The following KCNJ3 variants were observed in gnomAD, a reference collection of about 807,000 sequenced individuals.
KCNJ3 encodes potassium inwardly rectifying channel subfamily J member 3, also known as G protein-activated inward rectifier potassium channel 1.
KCNJ3 carries 4 observed loss-of-function variants against 39.2 expected under a neutral mutation model. The observed-to-expected ratio is 0.10, with a 90% confidence interval of 0.05 to 0.23. The LOEUF (loss-of-function observed/expected upper bound fraction) is 0.23. Among genes scored for constraint, KCNJ3 ranks in the 10% least tolerant of loss-of-function variants. The probability of loss-of-function intolerance (pLI) is 1.00; values close to 1 mark genes in which losing one functional copy is unlikely to be tolerated. For missense variants in KCNJ3, 276 were observed against 634.9 expected (o/e 0.43, Z 6.08); for synonymous variants, 230 against 237.4 (o/e 0.97, Z 0.29).
chr2:154,723,115 T>A (rs1685292847), intron 2 of KCNJ3, among the ~76,000 whole-genome samples: 2 of 151,776 alleles, frequency 1.3e-5, no homozygotes, highest in Admixed American at 6.6e-5. Context: ...AGACCCTCTA[T>A]CTGCAAAAAT....
chr2:154,707,364 T>C (rs1475283396), intron 1 of KCNJ3, among the ~76,000 whole-genome samples: 1 of 152,088 alleles, frequency 6.6e-6, no homozygotes, highest in Non-Finnish European at 1.5e-5. Flanking sequence ...AAGCCAAAAT[T>C]ACTTATGTCT....
At chr2:154,797,338 G>C (rs557396833) in intron 2 of KCNJ3, among the ~76,000 whole-genome samples, 1 of 152,182 alleles carries the variant, frequency 6.6e-6, no homozygotes, top group South Asian at 2.1e-4. Flanking sequence ...CCTTTTATTT[G>C]ATACTATGAT....
chr2:154,802,859 AT>A lies in KCNJ3; in HGVS notation c.920-51858del, dbSNP rs202219471. On this transcript the variant is annotated intron_variant, in intron 2 of 2. Coordinates refer to ENST00000295101, the MANE Select transcript of KCNJ3 (RefSeq NM_002239.4). ...AGTTGGCTTTTAAAATGAACTACAC[AT>A]TTTTTTTTTGAGGGGATGGAGGAAT... Among the ~76,000 whole-genome samples, 415 of 149,304 alleles carry A rather than the reference AT, an allele frequency of 2.8e-3. 5 individuals carry two copies. The East Asian group carries it at 0.06, about 22-fold the overall frequency.
rs140379505 is a variant in KCNJ3, at chr2:154,806,234, G to A, written c.920-48493G>A. Among the ~76,000 whole-genome samples, 448 of 152,236 alleles carry A rather than the reference G, an allele frequency of 2.9e-3. 4 individuals are homozygous for A. The highest frequency in any genetic ancestry group is 0.01 in the African/African-American group (434 of 41,556). On this transcript the variant is annotated intron_variant, in intron 2 of 2. Transcript: ENST00000295101. ...CACAAGACTCTTGGGTCAGAGATAA[G>A]GGATGTTATTACTCATGACACAGTG...
chr2:154,735,075 G>GTGTGTT (rs886652206), intron 2 of KCNJ3, among the ~76,000 whole-genome samples: 3 of 150,904 alleles, frequency 2.0e-5, no homozygotes, highest in Non-Finnish European at 3.0e-5. Flanking sequence ...AGGCCTGTGT[G>GTGTGTT]TGTGTGTGTG....
At chr2:154,739,575 A>G (rs12471186) in intron 2 of KCNJ3, among the ~76,000 whole-genome samples, 32,947 of 151,956 alleles carry the variant, frequency 0.22, 4,542 homozygotes, top group Non-Finnish European at 0.3. Flanking sequence ...CCTACTCCCC[A>G]GAGACTCCCA....
At chr2:154,818,918 CTTTTTTTTTTTTTTTTTT>C (rs57668487) in intron 2 of KCNJ3, among the ~76,000 whole-genome samples, 4 of 52,438 alleles carry the variant, frequency 7.6e-5, no homozygotes, top group South Asian at 1.2e-3. Flanking sequence ...CTGCAAAAGC[CTTTTTTTTTTTTTTTTTT>C]TTTTTTTTTT....
intron 1 of KCNJ3, among the ~76,000 whole-genome samples, chr2:154,704,913 G>A (rs1684975761): frequency 1.3e-5 from 2 of 152,252 alleles, no homozygotes; most frequent in South Asian, 4.1e-4. Flanking sequence ...AAGAGGATAA[G>A]TGAAATTACA....
chr2:154,827,155 T>C (rs1449224966), intron 2 of KCNJ3, among the ~76,000 whole-genome samples: 1 of 152,162 alleles, frequency 6.6e-6, no homozygotes, highest in South Asian at 2.1e-4. Context: ...TGCTTGAATT[T>C]TTTTCCATTC....
At chr2:154,832,002 G>A (rs116689332) in intron 2 of KCNJ3, among the ~76,000 whole-genome samples, 99 of 152,210 alleles carry the variant, frequency 6.5e-4, no homozygotes, top group African/African-American at 2.3e-3. Context: ...AGATCATGTG[G>A]TGACAAAGGA....
At chr2:154,819,092 T>C (rs1044256205) in intron 2 of KCNJ3, among the ~76,000 whole-genome samples, 4 of 151,712 alleles carry the variant, frequency 2.6e-5, no homozygotes, top group African/African-American at 7.3e-5. Flanking sequence ...AGCCTAAGAG[T>C]TCGAGACCAG....
chr2:154,772,301 C>T (rs1558870253), intron 2 of KCNJ3, among the ~76,000 whole-genome samples: 1 of 152,000 alleles, frequency 6.6e-6, no homozygotes, highest in African/African-American at 2.4e-5. Context: ...GTCTAATTTT[C>T]CTGTTCCCAC....
intron 2 of KCNJ3, among the ~76,000 whole-genome samples, chr2:154,791,939 G>A (rs1686641245): frequency 6.6e-6 from 1 of 152,030 alleles, no homozygotes; most frequent in African/African-American, 2.4e-5. Context: ...AGCAAATGAG[G>A]GCTTCTGTCC....
rs1687840539 is a variant in KCNJ3 at position 154,856,447 on chromosome 2, T to C, written c.*1134T>C. On this transcript the variant is annotated 3_prime_UTR_variant, in exon 3 of 3. Transcript: ENST00000295101. ...TGCAATGAAACAGATGATAAATATT[T>C]ATGCTTAAAATATGTATGTCTAATT... The C allele has an allele frequency of 6.6e-6, 1 of 152,536 alleles. No individual in the cohort carries two copies. The highest frequency in any genetic ancestry group is 2.4e-5 in the African/African-American group (1 of 41,464). 9.4% of individuals were successfully genotyped at this position (152,536 alleles called of 1,614,324 possible). A position where few individuals can be genotyped will look rare whatever the true frequency, so the allele number is the denominator to read the frequency against.
chr2:154,734,726 C>G (rs191476493), intron 2 of KCNJ3, among the ~76,000 whole-genome samples: 2 of 151,974 alleles, frequency 1.3e-5, no homozygotes, highest in Non-Finnish European at 2.9e-5. Flanking sequence ...AGTGAAAGGT[C>G]AGACTACACA....
chr2:154,743,323 T>G (rs552633310), intron 2 of KCNJ3, among the ~76,000 whole-genome samples: 1 of 151,898 alleles, frequency 6.6e-6, no homozygotes, highest in East Asian at 1.9e-4. Context: ...TTGTTTTGGC[T>G]ATTTGGGGTC....
intron 1 of KCNJ3, among the ~76,000 whole-genome samples, chr2:154,703,479 A>ATGTGTG (rs3138640): frequency 0.014 from 2,067 of 148,260 alleles, 12 homozygotes; most frequent in African/African-American, 0.02. Flanking sequence ...CTCCATATAT[A>ATGTGTG]TGTGTGTGTG....
intron 2 of KCNJ3, among the ~76,000 whole-genome samples, chr2:154,778,244 A>G (rs933246189): frequency 1.1e-4 from 17 of 152,144 alleles, no homozygotes; most frequent in African/African-American, 4.1e-4. Context: ...TGAAAAAAAA[A>G]TTTCTGAAAA....
At chr2:154,734,749 T>C (rs1685497181) in intron 2 of KCNJ3, among the ~76,000 whole-genome samples, 1 of 152,072 alleles carries the variant, frequency 6.6e-6, no homozygotes, top group African/African-American at 2.4e-5. Flanking sequence ...CCTATTGATA[T>C]AGAATGAAAA....
Sources: gnomAD v4.1 joint callset for allele counts (sites outside exome capture counted in the v4.1 genomes callset) on GRCh38, gnomAD v4.1.1 for gene constraint, MANE v1.5 for transcripts, NCBI Gene and HGNC (gene_info 2026-07-23, HGNC 2026-07-21) for gene names.